The following GABRP variants were observed in gnomAD, a reference collection of about 807,000 sequenced individuals.
GABRP encodes the protein gamma-aminobutyric acid type A receptor subunit pi.
A neutral mutation model predicts 47.8 loss-of-function variants in GABRP; 52 were observed. The ratio of observed to expected loss-of-function variants is 1.09; its 90% CI spans 0.87 to 1.37. GABRP has a LOEUF of 1.37. GABRP is among the 40% of genes most tolerant of loss of function. GABRP has a pLI of 0.00. For missense variants in GABRP, 525 were observed against 542.8 expected, an observed-to-expected ratio of 0.97 and a Z score of 0.33; for synonymous variants, 221 against 205.8, an observed-to-expected ratio of 1.07 and a Z score of -0.63.
At chr5:170,784,107 A>C (rs558173254) in intron 1 of GABRP, among the ~76,000 whole-genome samples, 21 of 152,312 alleles carry the variant, frequency 1.4e-4, no homozygotes, top group South Asian at 1.0e-3. Flanking sequence ...AGACCAGCAG[A>C]CACAGGGCAC....
At chr5:170,789,598 A>G (rs933518851) in intron 3 of GABRP, among the ~76,000 whole-genome samples, 1 of 152,076 alleles carries the variant, frequency 6.6e-6, no homozygotes, top group Admixed American at 6.5e-5. Context: ...CTCCAGCCTG[A>G]GCCCTTTCAG....
At chr5:170,790,914 A>T (rs1765247897) in intron 3 of GABRP, among the ~76,000 whole-genome samples, 1 of 152,074 alleles carries the variant, frequency 6.6e-6, no homozygotes, top group Non-Finnish European at 1.5e-5. Flanking sequence ...GAGATGGGAG[A>T]GATGCATTTT....
chr5:170,787,724 C>A (rs1765163335), intron 1 of GABRP, among the ~76,000 whole-genome samples: 1 of 152,188 alleles, frequency 6.6e-6, no homozygotes, highest in African/African-American at 2.4e-5. Flanking sequence ...GATTAACCCG[C>A]CCACCACACA....
chr5:170,793,729 C>G (rs184836854), intron 3 of GABRP, among the ~76,000 whole-genome samples: 1 of 152,264 alleles, frequency 6.6e-6, no homozygotes, highest in East Asian at 1.9e-4. Context: ...TGTCTTAGCA[C>G]TATGTTCCTT....
Position 170,812,139 on chromosome 5 carries a change from A to G in GABRP, c.1204A>G (p.Ile402Val). The G allele has an allele frequency of 6.2e-7, 1 of 1,614,148 alleles. No individual in the cohort carries two copies. The highest frequency in any genetic ancestry group is 1.7e-4 in the Middle Eastern group (1 of 6,060). Residue 402 changes from isoleucine (I) to valine (V), a missense_variant, in exon 10 of 10, where the codon ATT becomes GTT. By Grantham distance (29) the Ile-to-Val change is conservative. Coordinates refer to ENST00000265294, the MANE Select transcript of GABRP (RefSeq NM_014211.3). Reference sequence around the variant, plus strand: ...TGTCTTCCGAGAAAAGATGGGCAGGATTGTTGATTATTTCACAATTCAAAA... The same window carrying G: ...TGTCTTCCGAGAAAAGATGGGCAGGGTTGTTGATTATTTCACAATTCAAAA... ...KFVFREKMGR[I>V]VDYFTIQNPS...
chr5:170,798,131 T>C (rs1395905892), intron 6 of GABRP, among the ~76,000 whole-genome samples: 2 of 152,204 alleles, frequency 1.3e-5, no homozygotes, highest in Non-Finnish European at 2.9e-5. Context: ...AAGCTCTGCC[T>C]CCCAGGTTCA....
At chr5:170,793,469 C>G (rs192630515) in intron 3 of GABRP, among the ~76,000 whole-genome samples, 2 of 152,180 alleles carry the variant, frequency 1.3e-5, no homozygotes, top group African/African-American at 4.8e-5. Context: ...GCACACTGGA[C>G]CAAGTGTGGA....
At chr5:170,811,199 A>G (rs541062845) in intron 9 of GABRP, among the ~76,000 whole-genome samples, 52 of 147,254 alleles carry the variant, frequency 3.5e-4, no homozygotes, top group African/African-American at 1.3e-3. Context: ...TCAAGGGTAA[A>G]ATTGGGATAA....
chr5:170,804,837 A>G (rs1765686334), intron 6 of GABRP, among the ~76,000 whole-genome samples: 2 of 151,898 alleles, frequency 1.3e-5, no homozygotes, highest in Admixed American at 1.3e-4. Flanking sequence ...ACCCCTCTGA[A>G]TCTGAGAGTT....
rs372479203 is a variant in GABRP, at chr5:170,792,970, G to T, written c.173-1261G>T. Among the ~76,000 whole-genome samples, 10 of 152,218 alleles carry T rather than the reference G, an allele frequency of 6.6e-5. No homozygotes were observed. In the East Asian group the frequency reaches 1.9e-3, roughly 29 times the overall value. On this transcript the variant is annotated intron_variant, in intron 3 of 9. Coordinates refer to ENST00000265294, the MANE Select transcript of GABRP (RefSeq NM_014211.3). ...TAAAGTTGTCCCTTTTCCAAAATTAGCTAGGATTACGGAAGAGAGGGGGAA... is the reference window on the plus strand; with the variant it reads ...TAAAGTTGTCCCTTTTCCAAAATTATCTAGGATTACGGAAGAGAGGGGGAA...
At chr5:170,790,303 A>G (rs1335887698) in intron 3 of GABRP, among the ~76,000 whole-genome samples, 1 of 152,098 alleles carries the variant, frequency 6.6e-6, no homozygotes, top group African/African-American at 2.4e-5. Context: ...TCTGTGCCTC[A>G]CTGTCCCTTT....
intron 7 of GABRP, 53 bp downstream of exon 7, chr5:170,805,906 G>T (rs1401821178): frequency 6.3e-6 from 10 of 1,587,312 alleles, no homozygotes; most frequent in Admixed American, 3.4e-5. Context: ...TGAGGTGTAG[G>T]GTTGCTCTCT....
intron 6 of GABRP, among the ~76,000 whole-genome samples, chr5:170,804,185 CATATATAT>C (rs70982304): frequency 0.019 from 2,889 of 148,830 alleles, 77 homozygotes; most frequent in African/African-American, 0.054. Flanking sequence ...TCTTTGTATG[CATATATAT>C]ATATATATAT....
chr5:170,785,690 A>G (rs1343018833), intron 1 of GABRP, among the ~76,000 whole-genome samples: 1 of 152,198 alleles, frequency 6.6e-6, no homozygotes, highest in East Asian at 1.9e-4. Flanking sequence ...CTTGGAACTG[A>G]AGACTGGATG....
At chr5:170,810,162 GA>G (rs961720978) in intron 9 of GABRP, 28 of 445,320 alleles carry the variant, frequency 6.3e-5, no homozygotes, top group African/African-American at 5.0e-4. Context: ...ATGCTTTACT[GA>G]AAAATGTATG....
At chr5:170,801,733 T>C (rs1320609582) in intron 6 of GABRP, among the ~76,000 whole-genome samples, 1 of 152,228 alleles carries the variant, frequency 6.6e-6, no homozygotes, top group Non-Finnish European at 1.5e-5. Context: ...TGAGGTACTG[T>C]GGTAGATGTT....
intron 6 of GABRP, among the ~76,000 whole-genome samples, chr5:170,801,714 G>T (rs574297209): frequency 6.6e-6 from 1 of 152,100 alleles, no homozygotes; most frequent in East Asian, 1.9e-4. Context: ...ATTAAATGAC[G>T]ATTCTATGTG....
At chr5:170,810,357 T>C (rs1355244610) in intron 9 of GABRP, among the ~76,000 whole-genome samples, 1 of 152,242 alleles carries the variant, frequency 6.6e-6, no homozygotes, top group Non-Finnish European at 1.5e-5. Context: ...AATACTATAT[T>C]ATTTTAAATG....
At chr5:170,786,917 A>G (rs2127248390) in intron 1 of GABRP, among the ~76,000 whole-genome samples, 1 of 152,340 alleles carries the variant, frequency 6.6e-6, no homozygotes, top group Middle Eastern at 3.4e-3. Flanking sequence ...CTGTGGATAA[A>G]ACAACTGTTA....
Sources: allele counts gnomAD v4.1 joint callset (sites outside exome capture counted in the v4.1 genomes callset), GRCh38; gene constraint gnomAD v4.1.1; transcripts MANE v1.5; gene names NCBI Gene and HGNC (gene_info 2026-07-23, HGNC 2026-07-21).